Variants in ADGRL4 observed in about 807,000 individuals in gnomAD.
ADGRL4 encodes EGF, latrophilin and seven transmembrane domain containing 1.
ADGRL4 carries 90 observed loss-of-function variants against 74.8 expected under a neutral mutation model. The ratio of observed to expected loss-of-function variants is 1.20; its 90% CI spans 1.02 to 1.43. The LOEUF (loss-of-function observed/expected upper bound fraction) is 1.43. ADGRL4 is among the 40% of genes most tolerant of loss of function. ADGRL4 has a pLI of 0.00. For synonymous variants in ADGRL4, 311 were observed against 279.2 expected, an observed-to-expected ratio of 1.11 and a Z score of -1.14; for missense variants, 881 against 814.3, an observed-to-expected ratio of 1.08 and a Z score of -1.00.
At chr1:78,998,624 G>GC (rs749958956) in intron 2 of ADGRL4, among the ~76,000 whole-genome samples, 39 of 152,132 alleles carry the variant, frequency 2.6e-4, no homozygotes, top group Admixed American at 2.0e-3. Context: ...CCTCGGCTTA[G>GC]CAAAGTGCTG....
intron 3 of ADGRL4, among the ~76,000 whole-genome samples, chr1:78,945,867 T>C (rs1649589981): frequency 2.0e-5 from 3 of 152,146 alleles, no homozygotes; most frequent in Non-Finnish European, 2.9e-5. Context: ...CTGAAAAATA[T>C]GTAGAACCCA....
chr1:78,933,229 C>A (rs985856920), intron 7 of ADGRL4, among the ~76,000 whole-genome samples: 3 of 151,398 alleles, frequency 2.0e-5, no homozygotes, highest in African/African-American at 7.4e-5. Flanking sequence ...AACATATCCA[C>A]CACAATCAGG....
intron 2 of ADGRL4, among the ~76,000 whole-genome samples, chr1:78,979,345 G>A (rs1196361903): frequency 1.3e-5 from 2 of 151,796 alleles, no homozygotes; most frequent in Non-Finnish European, 2.9e-5. Context: ...ACATGACCAC[G>A]TTCTTCTTCT....
intron 3 of ADGRL4, among the ~76,000 whole-genome samples, chr1:78,945,177 A>ATATAT (rs1553136471): frequency 0.011 from 1,399 of 127,814 alleles, 30 homozygotes; most frequent in African/African-American, 0.038. Context: ...AAAAAAAAAA[A>ATATAT]ATATATATAT....
At chr1:78,961,363 G>C (rs186595733) in intron 2 of ADGRL4, among the ~76,000 whole-genome samples, 1 of 151,988 alleles carries the variant, frequency 6.6e-6, no homozygotes, top group Non-Finnish European at 1.5e-5. Context: ...GGATGGTCTC[G>C]GTCTCTTGAC....
At chr1:78,943,476 G>A (rs1385647506) in intron 3 of ADGRL4, among the ~76,000 whole-genome samples, 1 of 152,166 alleles carries the variant, frequency 6.6e-6, no homozygotes, top group East Asian at 1.9e-4. Flanking sequence ...CTTATGTGTC[G>A]AAAATAGTAT....
chr1:78,905,851 T>C (rs922922383), intron 12 of ADGRL4, among the ~76,000 whole-genome samples: 1 of 152,036 alleles, frequency 6.6e-6, no homozygotes, highest in Non-Finnish European at 1.5e-5. Flanking sequence ...TGACTAAACA[T>C]TTCGAAAAAT....
chr1:78,970,612 C>T (rs1215248955), intron 2 of ADGRL4, among the ~76,000 whole-genome samples: 1 of 152,140 alleles, frequency 6.6e-6, no homozygotes, highest in African/African-American at 2.4e-5. Flanking sequence ...CAGGTATCTG[C>T]TAGGAAGAGA....
chr1:79,002,628 G>T (rs1275432472), intron 2 of ADGRL4, among the ~76,000 whole-genome samples: 2 of 152,016 alleles, frequency 1.3e-5, no homozygotes, highest in Non-Finnish European at 2.9e-5. Context: ...GAATTAGGAA[G>T]GGTCAACCAA....
intron 6 of ADGRL4, among the ~76,000 whole-genome samples, chr1:78,937,138 A>T (rs1213431104): frequency 1.3e-5 from 2 of 152,214 alleles, no homozygotes; most frequent in Non-Finnish European, 2.9e-5. Context: ...GGATTCTTAA[A>T]TAGAAGTTTA....
At chr1:78,894,615 T>C (rs570472060) in intron 12 of ADGRL4, among the ~76,000 whole-genome samples, 61 of 152,030 alleles carry the variant, frequency 4.0e-4, no homozygotes, top group African/African-American at 1.5e-3. Context: ...CTATAGCTTC[T>C]TTGTATAAAT....
chr1:78,986,527 C>A (rs908051690), intron 2 of ADGRL4, among the ~76,000 whole-genome samples: 43 of 151,918 alleles, frequency 2.8e-4, no homozygotes, highest in Admixed American at 1.4e-3. Flanking sequence ...GAAAGAATCA[C>A]CTGAACTCAG....
At chr1:78,939,067 C>G in intron 4 of ADGRL4, 121 bp downstream of exon 4, 1 of 1,246,922 alleles carries the variant, frequency 8.0e-7, no homozygotes, top group Non-Finnish European at 1.0e-6. Context: ...TATATGTAAA[C>G]GTTTTCGACT....
At chr1:78,981,460 C>T (rs1650396350) in intron 2 of ADGRL4, among the ~76,000 whole-genome samples, 1 of 151,820 alleles carries the variant, frequency 6.6e-6, no homozygotes. Context: ...ATTTATTTCA[C>T]TCATAAAATG....
At chr1:78,946,471 T>C (rs1557508228) in intron 2 of ADGRL4, 45 bp from the exon 3 acceptor site, 1 of 1,493,350 alleles carries the variant, frequency 6.7e-7, no homozygotes, top group Non-Finnish European at 9.1e-7. Context: ...ATAATTGACA[T>C]AAATTTTGAC....
intron 3 of ADGRL4, among the ~76,000 whole-genome samples, chr1:78,944,543 C>A (rs1167638357): frequency 2.0e-5 from 3 of 152,116 alleles, no homozygotes; most frequent in African/African-American, 7.2e-5. Context: ...GGTAAAATTA[C>A]CATTCAACAG....
chr1:78,965,531 T>G (rs1650038331), intron 2 of ADGRL4, among the ~76,000 whole-genome samples: 1 of 152,086 alleles, frequency 6.6e-6, no homozygotes, highest in African/African-American at 2.4e-5. Flanking sequence ...AGCAGTAAAA[T>G]AATTTACCAA....
chr1:78,891,693 C>T lies in ADGRL4; in HGVS notation c.1842-1G>A. 1 of 1,605,458 alleles carries T rather than the reference C, an allele frequency of 6.2e-7. No individual in the cohort carries two copies. Among genetic ancestry groups the T allele is most frequent in the East Asian group, 2.2e-5 (1 of 44,780 alleles). On this transcript the variant is annotated splice_acceptor_variant, in intron 13 of 14. Coordinates refer to ENST00000370742, the MANE Select transcript of ADGRL4 (RefSeq NM_022159.4). LOFTEE classifies it high-confidence loss of function. ...AGCGAGGGCTCCTCTTGCACAAGACCTATCACATATGAGAAATGCGTCAGT... is the reference window on the plus strand; with the variant it reads ...AGCGAGGGCTCCTCTTGCACAAGACTTATCACATATGAGAAATGCGTCAGT...
intron 2 of ADGRL4, among the ~76,000 whole-genome samples, chr1:78,973,582 A>G (rs1467327689): frequency 6.7e-6 from 1 of 150,066 alleles, no homozygotes; most frequent in East Asian, 1.9e-4. Context: ...ATGTCAATAT[A>G]AATAAGTAAA....
Sources: allele counts gnomAD v4.1 joint callset (sites outside exome capture counted in the v4.1 genomes callset), GRCh38; gene constraint gnomAD v4.1.1; transcripts MANE v1.5; gene names NCBI Gene and HGNC (gene_info 2026-07-23, HGNC 2026-07-21).